The following CFAP20DC variants were observed in gnomAD, a reference collection of about 807,000 sequenced individuals.
CFAP20DC encodes CFAP20 domain containing.
A neutral mutation model predicts 101.7 loss-of-function variants in CFAP20DC; 84 were observed. That is an observed-to-expected ratio of 0.83 (90% CI 0.69 to 0.99). CFAP20DC has a LOEUF of 0.99. Among genes scored for constraint, CFAP20DC ranks in the 50% least tolerant of loss-of-function variants. CFAP20DC has a pLI of 0.00. For missense variants in CFAP20DC, 1,007 were observed against 970.3 expected (o/e 1.04, Z -0.50); for synonymous variants, 359 against 351.2 (o/e 1.02, Z -0.25).
chr3:59,030,748 G>A (rs2093975894), intron 4 of CFAP20DC, among the ~76,000 whole-genome samples: 3 of 152,176 alleles, frequency 2.0e-5, no homozygotes, highest in African/African-American at 4.8e-5. Context: ...CTGCTCTCTG[G>A]CTAGGACTAA....
chr3:58,787,076 G>T (rs1362668603), intron 15 of CFAP20DC, among the ~76,000 whole-genome samples: 3 of 151,702 alleles, frequency 2.0e-5, no homozygotes, highest in Non-Finnish European at 4.4e-5. Flanking sequence ...ATTTCAGATA[G>T]AAAACAGTGC....
intron 5 of CFAP20DC, among the ~76,000 whole-genome samples, chr3:58,916,152 T>C (rs1343068829): frequency 6.6e-6 from 1 of 152,156 alleles, no homozygotes; most frequent in Non-Finnish European, 1.5e-5. Flanking sequence ...ATTATCTGCT[T>C]TATTTTCTTT....
chr3:58,938,703 T>C (rs1475176911), intron 4 of CFAP20DC, among the ~76,000 whole-genome samples: 1 of 152,076 alleles, frequency 6.6e-6, no homozygotes, highest in African/African-American at 2.4e-5. Context: ...AGCACTTCCG[T>C]TCCCCCTCCT....
chr3:58,823,437 G>A (rs968838547), intron 14 of CFAP20DC, among the ~76,000 whole-genome samples: 2 of 152,088 alleles, frequency 1.3e-5, no homozygotes, highest in African/African-American at 4.8e-5. Context: ...AATGAACTAC[G>A]ACCATCATCA....
At chr3:58,731,196 A>G (rs1054367104) in intron 3 of CFAP20DC, among the ~76,000 whole-genome samples, 1 of 152,208 alleles carries the variant, frequency 6.6e-6, no homozygotes, top group Non-Finnish European at 1.5e-5. Flanking sequence ...CTGTGTATGC[A>G]GTAGGGGAAA....
At chr3:58,738,848 T>C (rs1241680948), downstream of CFAP20DC, among the ~76,000 whole-genome samples, 1 of 152,182 alleles carries the variant, frequency 6.6e-6, no homozygotes, top group Non-Finnish European at 1.5e-5. This position sits in a 1 kb window ranked among gnomAD's most constrained non-coding sequence, Gnocchi z 4.4. Flanking sequence ...TTTGATAGTG[T>C]ACTTGATGTC....
At chr3:58,992,456 T>C (rs951835735) in intron 4 of CFAP20DC, 2 of 523,008 alleles carry the variant, frequency 3.8e-6, no homozygotes, top group South Asian at 8.4e-5. Context: ...GTCAGTTGAA[T>C]GACATATTGG....
chr3:58,869,530 C>A lies in CFAP20DC; in HGVS notation c.853-40G>T, dbSNP rs770873838. 2.1e-6 allele frequency: 3 copies of A among 1,457,580 alleles called. No homozygotes were observed. The highest frequency in any genetic ancestry group is 3.0e-5 in the South Asian group (2 of 67,318). 90.3% of individuals were successfully genotyped at this position (1,457,580 alleles called of 1,614,324 possible). The stretch of plus-strand genomic sequence containing the variant: ...ATCTGTACATTTTAAAATATAGCAA[C>A]TACATTTGTTTTCTGTAGAAGCTAT... On this transcript the variant is annotated intron_variant, in intron 8 of 16. Transcript: ENST00000482387. The surrounding 1 kb of genome is among the most constrained non-coding windows in gnomAD (Gnocchi z 4.3).
At chr3:58,760,429 T>A (rs2069444757) in intron 15 of CFAP20DC, among the ~76,000 whole-genome samples, 1 of 152,164 alleles carries the variant, frequency 6.6e-6, no homozygotes, top group Non-Finnish European at 1.5e-5. Flanking sequence ...TTAAGGAGAT[T>A]TTGGGCTGAG....
At position 58,742,564 on chromosome 3, in the gene CFAP20DC, C is replaced by A. The variant is rs150628334; in HGVS notation, c.2341G>T (p.Asp781Tyr). The A allele has an allele frequency of 2.5e-6, 4 of 1,598,566 alleles. No individual in the cohort carries two copies. The African/African-American group carries it at 5.4e-5, about 22-fold the overall frequency. Residue 781 changes from aspartate to tyrosine, a missense_variant, in exon 17 of 17, where the codon GAC becomes TAC. Asp to Tyr is a radical substitution (Grantham distance 160). Coordinates refer to ENST00000482387, the MANE Select transcript of CFAP20DC (RefSeq NM_001394063.1). The part of the protein sequence containing the change: ...CESLSVQGEE[D>Y]LSVEEDEEVL... ...TCCTCGTCCTCTTCCACACTGAGGTCTTCTTCACCTGTGGGGAAGGGGAAC... is the reference window on the plus strand; with the variant it reads ...TCCTCGTCCTCTTCCACACTGAGGTATTCTTCACCTGTGGGGAAGGGGAAC...
At chr3:59,029,259 C>A (rs1283914737) in intron 4 of CFAP20DC, among the ~76,000 whole-genome samples, 1 of 151,978 alleles carries the variant, frequency 6.6e-6, no homozygotes, top group Non-Finnish European at 1.5e-5. Context: ...GGCTCCATGT[C>A]TTCATGAAAC....
At chr3:58,742,656 A>G in intron 16 of CFAP20DC, 84 bp from the exon 17 acceptor site, 1 of 936,728 alleles carries the variant, frequency 1.1e-6, no homozygotes. Context: ...AGGAATCACC[A>G]TCTCTCCTGG....
At chr3:58,848,177 A>AT (rs1446587230) in intron 13 of CFAP20DC, among the ~76,000 whole-genome samples, 1 of 143,756 alleles carries the variant, frequency 7.0e-6, no homozygotes, top group Non-Finnish European at 1.5e-5. Context: ...TTAAAAAAAA[A>AT]AAGGGCTTGG....
intron 3 of CFAP20DC, among the ~76,000 whole-genome samples, chr3:58,720,687 C>G (rs945775441): frequency 6.6e-6 from 1 of 152,202 alleles, no homozygotes; most frequent in Non-Finnish European, 1.5e-5. Context: ...GGACTATAAT[C>G]TCACTATAAA....
At chr3:58,935,597 C>T (rs1314624853) in intron 5 of CFAP20DC, among the ~76,000 whole-genome samples, 2 of 152,074 alleles carry the variant, frequency 1.3e-5, no homozygotes, top group Admixed American at 1.3e-4. Context: ...TGGAATAGAA[C>T]AGAGCCCTCA....
At chr3:58,807,893 A>G (rs1040697181) in intron 14 of CFAP20DC, among the ~76,000 whole-genome samples, 4 of 152,250 alleles carry the variant, frequency 2.6e-5, no homozygotes, top group Non-Finnish European at 2.9e-5. Flanking sequence ...CTGAAAGCCA[A>G]GGCTCGAGAA....
At position 58,937,645 on chromosome 3, in the gene CFAP20DC, T is replaced by TA; in HGVS notation, c.393+2dup. ...TTTTAGGCAACATTCATGTGATACT[T>TA]ACAATTTTACGTTTGATCATGAAGA... On this transcript the variant is annotated splice_region_variant and intron_variant, in intron 5 of 16. Transcript: ENST00000482387. 6.4e-7 allele frequency: 1 copy of TA among 1,552,682 alleles called. No homozygotes were observed. Among genetic ancestry groups the TA allele is most frequent in the African/African-American group, 1.4e-5 (1 of 73,780 alleles).
Position 58,717,451 on chromosome 3 carries a change from CAA to C in CFAP20DC, c.*135_*136del, listed in dbSNP as rs1239210481. 3.6e-6 allele frequency: 1 copy of C among 279,506 alleles called. No individual in the cohort carries two copies. Among genetic ancestry groups the C allele is most frequent in the Non-Finnish European group, 7.2e-6 (1 of 138,298 alleles). The allele number at this position is 279,506 out of a possible 1,614,324, so 17.3% of individuals were successfully genotyped here. A position where few individuals can be genotyped will look rare whatever the true frequency, so the allele number is the denominator to read the frequency against. ...CCAAGGATGCTTTGGGATCTGTAGA[CAA>C]AAGATGCTTATTCTTCTCATGTGAA... On this transcript the variant is annotated 3_prime_UTR_variant, in exon 4 of 4. Coordinates refer to the CFAP20DC transcript ENST00000486145. The surrounding 1 kb of genome is among the most constrained non-coding windows in gnomAD (Gnocchi z 4.1).
intron 14 of CFAP20DC, among the ~76,000 whole-genome samples, chr3:58,816,625 G>A (rs1001474651): frequency 7.0e-6 from 1 of 142,570 alleles, no homozygotes; most frequent in African/African-American, 3.0e-5. Flanking sequence ...TCCCACACCT[G>A]GCTCGAGGGT....
Sources: gnomAD v4.1 joint callset for allele counts (sites outside exome capture counted in the v4.1 genomes callset) on GRCh38, gnomAD v4.1.1 for gene constraint, Gnocchi (gnomAD v3.1) non-coding constraint, MANE v1.5 for transcripts, NCBI Gene and HGNC (gene_info 2026-07-23, HGNC 2026-07-21) for gene names.